YAF2: variants seen among roughly 807,000 people sequenced by gnomAD.
YAF2 encodes YY1-associated factor 2.
YAF2 carries 7 observed loss-of-function variants against 20.1 expected under a neutral mutation model. The observed-to-expected ratio is 0.35, with a 90% CI of 0.20 to 0.65. The LOEUF (loss-of-function observed/expected upper bound fraction) is 0.65, where lower values mean the gene tolerates loss of function less well. Among genes scored for constraint, YAF2 ranks in the 30% least tolerant of loss-of-function variants. The pLI is 0.69. For missense variants in YAF2, 151 were observed against 219.2 expected (o/e 0.69, Z 1.96); for synonymous variants, 74 against 76.0 (o/e 0.97, Z 0.14).
chr12:42,205,376 CTCTT>C (rs1343798437), intron 2 of YAF2, among the ~76,000 whole-genome samples: 1 of 146,818 alleles, frequency 6.8e-6, no homozygotes, highest in African/African-American at 2.7e-5. Flanking sequence ...GCTGCTTCTT[CTCTT>C]TTTTTTTTTT....
intron 2 of YAF2, among the ~76,000 whole-genome samples, chr12:42,214,083 C>A (rs939161238): frequency 6.6e-6 from 1 of 152,164 alleles, no homozygotes; most frequent in African/African-American, 2.4e-5. Flanking sequence ...GCTTGTTACA[C>A]TTCCAATAAA....
At chr12:42,229,744 G>A (rs1022253512) in intron 2 of YAF2, among the ~76,000 whole-genome samples, 3 of 152,218 alleles carry the variant, frequency 2.0e-5, no homozygotes, top group Non-Finnish European at 2.9e-5. Context: ...AGCTACAGGT[G>A]TACAGGATGT....
intron 2 of YAF2, among the ~76,000 whole-genome samples, chr12:42,181,044 G>A (rs1337762988): frequency 6.6e-6 from 1 of 152,110 alleles, no homozygotes; most frequent in African/African-American, 2.4e-5. Flanking sequence ...ACCTAGCTCT[G>A]GGCAACTGAA....
intron 2 of YAF2, among the ~76,000 whole-genome samples, chr12:42,214,186 T>C (rs760530640): frequency 6.6e-6 from 1 of 152,220 alleles, no homozygotes; most frequent in Admixed American, 6.5e-5. Context: ...TCTGCCTCAC[T>C]ATGCACTAGT....
At chr12:42,235,782 C>G in intron 2 of YAF2, 2 of 1,535,570 alleles carry the variant, frequency 1.3e-6, no homozygotes, top group Non-Finnish European at 1.7e-6. Context: ...ATGTCAGGGG[C>G]CCCCATGTGG....
At chr12:42,183,202 CCTT>C (rs1405308183) in intron 2 of YAF2, among the ~76,000 whole-genome samples, 1 of 152,066 alleles carries the variant, frequency 6.6e-6, no homozygotes, top group Admixed American at 6.6e-5. Flanking sequence ...CCCTGTCTCT[CCTT>C]CTCCTTGAGC....
chr12:42,159,046 A>G lies in YAF2; in HGVS notation c.*1543T>C, dbSNP rs558044239. On this transcript the variant is annotated 3_prime_UTR_variant, in exon 4 of 4. Transcript: ENST00000534854. ...CAACACTAAAGAATGAGGTATATAA[A>G]TGTTTTAATCACAGACTTTTACTGT... is the stretch of plus-strand genomic sequence containing the variant. The G allele has an allele frequency of 3.2e-4, 49 of 152,294 alleles. No individual in the cohort carries two copies. The highest frequency in any genetic ancestry group is 6.2e-4 in the Non-Finnish European group (42 of 67,994). The allele number at this position is 152,294 out of a possible 1,614,324, so 9.4% of individuals were successfully genotyped here.
At chr12:42,174,120 TTTCC>T (rs2066121792) in intron 2 of YAF2, among the ~76,000 whole-genome samples, 1 of 151,982 alleles carries the variant, frequency 6.6e-6, no homozygotes, top group Admixed American at 6.6e-5. Context: ...AAAAAAACTC[TTTCC>T]TGAGTCTACA....
At chr12:42,186,646 T>A (rs1286608331) in intron 2 of YAF2, among the ~76,000 whole-genome samples, 1 of 151,570 alleles carries the variant, frequency 6.6e-6, no homozygotes, top group East Asian at 1.9e-4. Context: ...CATTGCACTC[T>A]AGCATGGGTG....
intron 2 of YAF2, among the ~76,000 whole-genome samples, chr12:42,214,987 G>C (rs944047323): frequency 6.6e-6 from 1 of 152,048 alleles, no homozygotes; most frequent in Admixed American, 6.6e-5. Context: ...CTGGGCAACA[G>C]AGTGAGACTC....
intron 2 of YAF2, among the ~76,000 whole-genome samples, chr12:42,197,915 T>C (rs1231992996): frequency 6.6e-6 from 1 of 152,092 alleles, no homozygotes; most frequent in African/African-American, 2.4e-5. Flanking sequence ...CAACAGACTA[T>C]CAAAATATTA....
At chr12:42,166,781 G>C (rs1438567692) in intron 2 of YAF2, among the ~76,000 whole-genome samples, 1 of 150,530 alleles carries the variant, frequency 6.6e-6, no homozygotes, top group Non-Finnish European at 1.5e-5. Context: ...CTGTCATTAG[G>C]AGCAGAAAAT....
chr12:42,233,484 T>C (rs10880274), intron 2 of YAF2: 197,181 of 980,362 alleles, frequency 0.2, 20,231 homozygotes, highest in Admixed American at 0.25. Flanking sequence ...CTATCCTTAA[T>C]ATTTAATATT....
At position 42,220,548 on chromosome 12, in the gene YAF2, T is replaced by G. The variant is rs74405182; in HGVS notation, c.152+17051A>C. Among the ~76,000 whole-genome samples, 50 of 152,010 alleles carry G rather than the reference T, an allele frequency of 3.3e-4. 1 individual carries two copies. In the East Asian group the frequency reaches 9.7e-3, roughly 29 times the overall value. ...GGGCTGTGGGGGAACAAAAGACAAA[T>G]AGCAAAAATGGATGGAACAAAGAGG... is the stretch of plus-strand genomic sequence containing the variant. On this transcript the variant is annotated intron_variant, in intron 2 of 3. Coordinates refer to ENST00000534854, the MANE Select transcript of YAF2 (RefSeq NM_005748.6).
chr12:42,233,025 C>T, intron 2 of YAF2: 1 of 985,318 alleles, frequency 1.0e-6, no homozygotes, highest in Non-Finnish European at 1.2e-6. Context: ...CAAAAAAATC[C>T]ATTTTGCTCA....
In YAF2 at chr12:42,167,938, G is replaced by A. The variant is rs192112404; in HGVS notation, c.153-6173C>T. ...TCGTCTGGCTTTGTTTCCATACCTC[G>A]AGCTCTGACTGCATCCCAAGATTAC... On this transcript the variant is annotated intron_variant, in intron 2 of 3. Transcript: ENST00000534854. 3.3e-5 allele frequency among the ~76,000 whole-genome samples: 5 copies of A among 152,198 alleles called. No homozygotes were observed. In the East Asian group the frequency reaches 9.6e-4, roughly 29 times the overall value.
chr12:42,195,930 T>C (rs780231182), intron 2 of YAF2, among the ~76,000 whole-genome samples: 4 of 152,052 alleles, frequency 2.6e-5, no homozygotes, highest in Non-Finnish European at 5.9e-5. Flanking sequence ...AGACAGAGAA[T>C]GGGAGGACAG....
chr12:42,164,868 G>A (rs539846937), intron 2 of YAF2, among the ~76,000 whole-genome samples: 2 of 152,050 alleles, frequency 1.3e-5, no homozygotes, highest in African/African-American at 2.4e-5. Flanking sequence ...CCAGGAGTTC[G>A]AGGCCAGCCT....
rs534507266 is a variant in YAF2, at chr12:42,183,052, A to G, written c.153-21287T>C. Among the ~76,000 whole-genome samples the G allele has an allele frequency of 2.6e-5, 4 of 152,228 alleles. No individual in the cohort carries two copies. The South Asian group carries it at 8.3e-4, about 32-fold the overall frequency. On this transcript the variant is annotated intron_variant, in intron 2 of 3. Transcript: ENST00000534854. ...CATAAAATGTTTTCGTTATTATTAT[A>G]TCTGTTATGGTGATCTATGATTGGT...
Sources: gnomAD v4.1 joint callset for allele counts (sites outside exome capture counted in the v4.1 genomes callset) on GRCh38, gnomAD v4.1.1 for gene constraint, MANE v1.5 for transcripts, NCBI Gene and HGNC (gene_info 2026-07-23, HGNC 2026-07-21) for gene names.